PCSK1: variants seen among roughly 807,000 people sequenced by gnomAD.
PCSK1 encodes neuroendocrine convertase 1.
Under a neutral mutation model 90.6 loss-of-function variants are expected in PCSK1, and 56 were observed. The observed-to-expected ratio is 0.62, with a 90% confidence interval of 0.50 to 0.77. The LOEUF (loss-of-function observed/expected upper bound fraction) is 0.77, where lower values mean the gene tolerates loss of function less well. Ranked by LOEUF, PCSK1 falls within the 30% of genes least tolerant of loss-of-function variation. PCSK1 has a pLI of 0.00. For synonymous variants in PCSK1, 348 were observed against 342.4 expected (o/e 1.02, Z -0.18); for missense variants, 801 against 932.6 (o/e 0.86, Z 1.84).
At chr5:96,428,027 T>C (rs1561378030) in intron 2 of PCSK1, among the ~76,000 whole-genome samples, 1 of 151,784 alleles carries the variant, frequency 6.6e-6, no homozygotes, top group African/African-American at 2.4e-5. Flanking sequence ...AGCTATACGG[T>C]CACTGTCCGT....
Position 96,400,936 on chromosome 5 carries a change from A to C in PCSK1, c.1197-750T>G, listed in dbSNP as rs546053277. ...CCCCGTCTCTACTAAAAATACAAAA[A>C]ATTAGCCGGGCGCGGTGGCGGGCGC... On this transcript the variant is annotated intron_variant, in intron 9 of 13. Coordinates refer to ENST00000311106, the MANE Select transcript of PCSK1 (RefSeq NM_000439.5). Among the ~76,000 whole-genome samples, 714 of 150,588 alleles carry C rather than the reference A, an allele frequency of 4.7e-3. 6 individuals carry two copies. Among genetic ancestry groups the C allele is most frequent in the Non-Finnish European group, 5.2e-3 (354 of 67,550 alleles).
rs1759983353 is a variant in PCSK1, at chr5:96,392,650, ATTGATATCCCAGG to A, written c.*338_*350del. 4.3e-6 allele frequency: 1 copy of A among 230,270 alleles called. No individual in the cohort carries two copies. Among genetic ancestry groups the A allele is most frequent in the Non-Finnish European group, 8.5e-6 (1 of 117,818 alleles). 14.3% of individuals were successfully genotyped at this position (230,270 alleles called of 1,614,324 possible). On this transcript the variant is annotated 3_prime_UTR_variant, in exon 14 of 14. Transcript: ENST00000311106. ...CTTTGCAGATTATGTTTTCAAATTA[ATTGATATCCCAGG>A]TTTTGCCTTTTCTTTTGAGAATTGA... is the stretch of plus-strand genomic sequence containing the variant.
chr5:96,422,859 G>A (rs1339022086), intron 4 of PCSK1, among the ~76,000 whole-genome samples: 1 of 150,188 alleles, frequency 6.7e-6, no homozygotes, highest in African/African-American at 2.5e-5. Context: ...CTTGGCATAG[G>A]TGCATTGTGT....
intron 2 of PCSK1, among the ~76,000 whole-genome samples, chr5:96,428,663 A>G (rs1179246629): frequency 6.6e-6 from 1 of 152,214 alleles, no homozygotes; most frequent in East Asian, 1.9e-4. Context: ...CATTTGCCTC[A>G]TGAAGACATG....
Position 96,392,828 on chromosome 5 carries a change from T to C in PCSK1, c.*173A>G. ...TATGATCAATTCTGGAAGTTGAACT[T>C]CCTGCTTGAGCTCATCCCCTTCACA... is the stretch of plus-strand genomic sequence containing the variant. On this transcript the variant is annotated 3_prime_UTR_variant, in exon 14 of 14. Coordinates refer to ENST00000311106, the MANE Select transcript of PCSK1 (RefSeq NM_000439.5). 1 of 689,594 alleles carries C rather than the reference T, an allele frequency of 1.5e-6. No homozygotes were observed. Among genetic ancestry groups the C allele is most frequent in the East Asian group, 2.5e-5 (1 of 40,052 alleles). The allele number at this position is 689,594 out of a possible 1,614,324, so 42.7% of individuals were successfully genotyped here. A position where few individuals can be genotyped will look rare whatever the true frequency, so the allele number is the denominator to read the frequency against.
intron 9 of PCSK1, among the ~76,000 whole-genome samples, chr5:96,404,971 G>A (rs1477749395): frequency 6.6e-6 from 1 of 152,186 alleles, no homozygotes; most frequent in East Asian, 1.9e-4. Context: ...GGGCTCTTCA[G>A]TCTCCATAGT....
chr5:96,393,044 C>T lies in PCSK1; in HGVS notation c.2219G>A (p.Arg740Gln), dbSNP rs140941383. ...NTKPYKHRDD[R>Q]LLQALVDILN... is the part of the protein sequence containing the mutation. ...AATGTCCACCAGAGCTTGAAGCAGC[C>T]GGTCGTCTCTGTGCTTGTAAGGTTT... The change falls in exon 14 of 14, where the codon CGG (arginine) becomes CAG (glutamine). Residue 740 changes from arginine to glutamine, a missense_variant. Physicochemically the swap from Arg to Gln is conservative, Grantham distance 43 (BLOSUM62 1). Transcript: ENST00000311106. The T allele has an allele frequency of 2.3e-5, 37 of 1,613,912 alleles. No homozygotes were observed. The highest frequency in any genetic ancestry group is 4.5e-5 in the East Asian group (2 of 44,900).
At chr5:96,421,610 C>A (rs1761132029) in intron 5 of PCSK1, among the ~76,000 whole-genome samples, 1 of 152,094 alleles carries the variant, frequency 6.6e-6, no homozygotes, top group Non-Finnish European at 1.5e-5. Flanking sequence ...CTCAAACATT[C>A]TTTCTAAAGC....
chr5:96,426,566 G>A (rs997432861), intron 2 of PCSK1, among the ~76,000 whole-genome samples: 1 of 152,100 alleles, frequency 6.6e-6, no homozygotes, highest in African/African-American at 2.4e-5. Context: ...TATGCAAAGA[G>A]ATCTGACAAT....
intron 6 of PCSK1, 129 bp downstream of exon 6, chr5:96,415,904 A>G (rs1032599979): frequency 7.0e-5 from 49 of 699,598 alleles, no homozygotes; most frequent in Non-Finnish European, 1.2e-4. Context: ...CAAGTCCTGT[A>G]GCAACTTTGG....
At chr5:96,399,858 A>G in intron 10 of PCSK1, 95 bp downstream of exon 10, 1 of 926,940 alleles carries the variant, frequency 1.1e-6, no homozygotes, top group Non-Finnish European at 1.7e-6. Flanking sequence ...TCTACTTCAG[A>G]AGGGTAGATA....
Position 96,423,340 on chromosome 5 carries a change from C to A in PCSK1, c.516G>T (p.Trp172Cys). The change falls in exon 4 of 14, where the codon TGG becomes TGT. Residue 172 changes from tryptophan to cysteine, a missense_variant. By Grantham distance (215) the Trp-to-Cys change is radical. Coordinates refer to ENST00000311106, the MANE Select transcript of PCSK1 (RefSeq NM_000439.5). ...AGTTGGCATAAATGTCCGTGTGATT[C>A]CACTCCAAACCATCATCCAGTACGG... The part of the protein sequence containing the change: ...VITVLDDGLE[W>C]NHTDIYANYD... The A allele has an allele frequency of 6.2e-7, 1 of 1,612,354 alleles. No individual in the cohort carries two copies. The highest frequency in any genetic ancestry group is 8.5e-7 in the Non-Finnish European group (1 of 1,179,118).
intron 5 of PCSK1, among the ~76,000 whole-genome samples, chr5:96,418,970 TATC>T (rs969268055): frequency 6.6e-6 from 1 of 152,020 alleles, no homozygotes; most frequent in Non-Finnish European, 1.5e-5. Context: ...CTGTGATCAT[TATC>T]ATCATCATCA....
chr5:96,404,851 ATG>A (rs1167497412), intron 9 of PCSK1, among the ~76,000 whole-genome samples: 3 of 152,192 alleles, frequency 2.0e-5, no homozygotes, highest in Non-Finnish European at 4.4e-5. Context: ...TGTCATAAGA[ATG>A]TTGTAAGCGT....
At chr5:96,414,310 A>G (rs1032928495) in intron 6 of PCSK1, among the ~76,000 whole-genome samples, 11 of 152,182 alleles carry the variant, frequency 7.2e-5, no homozygotes, top group Non-Finnish European at 1.5e-4. Context: ...CTTTACATGT[A>G]TAAACTCATC....
At chr5:96,425,067 A>AGAAAGAAG (rs1491288569) in intron 3 of PCSK1, among the ~76,000 whole-genome samples, 1 of 146,984 alleles carries the variant, frequency 6.8e-6, no homozygotes, top group Non-Finnish European at 1.5e-5. Flanking sequence ...AAAGAAAGAA[A>AGAAAGAAG]GAAAGAAAAC....
In PCSK1 at chr5:96,393,077, T is replaced by TA. The variant is rs1274291720; in HGVS notation, c.2185dup (p.Tyr729LeufsTer2). On this transcript the variant is annotated frameshift_variant, in exon 14 of 14. Transcript: ENST00000311106. LOFTEE classifies it high-confidence loss of function. ...TCTGTGCTTGTAAGGTTTAGTGTTA[T>TA]AAAAAACATCAACATAGTCATTATA... is the stretch of plus-strand genomic sequence containing the variant. 1 of 1,614,116 alleles carries TA rather than the reference T, an allele frequency of 6.2e-7. No individual in the cohort carries two copies. Among genetic ancestry groups the TA allele is most frequent in the Non-Finnish European group, 8.5e-7 (1 of 1,179,954 alleles).
Position 96,394,928 on chromosome 5 carries a change from T to C in PCSK1, c.1820A>G (p.Tyr607Cys). ...ATTCTGAACAGTGTTGTAGGACGTG[T>C]ACACACGAGGCTGCTTCATATGCTC... ...QPEHMKQPRV[Y>C]TSYNTVQNDR... The change falls in exon 13 of 14, where the codon TAC becomes TGC. Residue 607 changes from tyrosine (Y) to cysteine (C), a missense_variant. By Grantham distance (194) the Tyr-to-Cys change is radical (BLOSUM62 -2). Transcript: ENST00000311106. 1 of 1,614,162 alleles carries C rather than the reference T, an allele frequency of 6.2e-7. No individual in the cohort carries two copies. The highest frequency in any genetic ancestry group is 8.5e-7 in the Non-Finnish European group (1 of 1,179,992).
At chr5:96,401,270 G>A (rs1230241461) in intron 9 of PCSK1, among the ~76,000 whole-genome samples, 4 of 152,124 alleles carry the variant, frequency 2.6e-5, no homozygotes, top group African/African-American at 9.7e-5. Context: ...TATTTGAGCT[G>A]GACTTTGACA....
Sources: allele counts gnomAD v4.1 joint callset (sites outside exome capture counted in the v4.1 genomes callset), GRCh38; gene constraint gnomAD v4.1.1; transcripts MANE v1.5; gene names NCBI Gene and HGNC (gene_info 2026-07-23, HGNC 2026-07-21).